Variants in SLC36A4 observed in about 807,000 individuals in gnomAD.
SLC36A4 encodes neutral amino acid uniporter 4.
Under a neutral mutation model 50.5 loss-of-function variants are expected in SLC36A4, and 49 were observed. That is an observed-to-expected ratio of 0.97 (90% CI 0.77 to 1.23). The LOEUF (loss-of-function observed/expected upper bound fraction) is 1.23, where lower values mean the gene tolerates loss of function less well. Ranked by LOEUF, SLC36A4 falls within the 50% of genes most tolerant of loss-of-function variation. The probability of loss-of-function intolerance (pLI) is 0.00; values close to 1 mark genes in which losing one functional copy is unlikely to be tolerated. For synonymous variants in SLC36A4, 207 were observed against 206.5 expected (o/e 1.00, Z -0.02); for missense variants, 611 against 608.4 (o/e 1.00, Z -0.05).
intron 9 of SLC36A4, chr11:93,159,788 C>T: frequency 1.0e-6 from 1 of 983,166 alleles, no homozygotes. Context: ...TAACTTGGAG[C>T]TTCTCTAATC....
In SLC36A4 at chr11:93,148,422, G is replaced by T; in HGVS notation, c.*115C>A. 1 of 917,536 alleles carries T rather than the reference G, an allele frequency of 1.1e-6. No homozygotes were observed. 56.8% of individuals were successfully genotyped at this position (917,536 alleles called of 1,614,324 possible). On this transcript the variant is annotated 3_prime_UTR_variant, in exon 11 of 11. Transcript: ENST00000326402. ...ATTACTTCCAAAATATTAATATCGT[G>T]CCAAAGAAAACAGAGTTTGTTACCA... is the stretch of plus-strand genomic sequence containing the variant.
chr11:93,185,519 C>T, intron 2 of SLC36A4, 172 bp downstream of exon 2: 1 of 529,268 alleles, frequency 1.9e-6, no homozygotes. Context: ...CTATACACTG[C>T]TCTGTGATTT....
chr11:93,193,186 G>T lies in SLC36A4; in HGVS notation c.55+4592C>A, dbSNP rs116281222. The T allele has an allele frequency of 4.5e-3, 1,073 of 239,602 alleles. 9 individuals carry two copies. The highest frequency in any genetic ancestry group is 0.023 in the African/African-American group (1,011 of 43,084). The allele number at this position is 239,602 out of a possible 1,614,324, so 14.8% of individuals were successfully genotyped here. A position where few individuals can be genotyped will look rare whatever the true frequency, so the allele number is the denominator to read the frequency against. On this transcript the variant is annotated intron_variant, in intron 1 of 10. Coordinates refer to ENST00000326402, the MANE Select transcript of SLC36A4 (RefSeq NM_152313.4). ...GCATTTATGACCTATAAACTGTGCT[G>T]TAAGATTGAGTATGCAAAGATGGGC...
chr11:93,189,284 G>A (rs935793083), intron 1 of SLC36A4, among the ~76,000 whole-genome samples: 9 of 152,042 alleles, frequency 5.9e-5, no homozygotes, highest in South Asian at 2.1e-4. Context: ...TGCTGGTCTC[G>A]AACTCCTAAC....
intron 8 of SLC36A4, among the ~76,000 whole-genome samples, chr11:93,165,659 TA>T (rs1213451383): frequency 6.6e-6 from 1 of 152,080 alleles, no homozygotes; most frequent in Non-Finnish European, 1.5e-5. Context: ...AATAAAATGT[TA>T]AAAATGATCT....
At chr11:93,167,152 A>G (rs1027764833) in intron 7 of SLC36A4, 2 of 152,126 alleles carry the variant, frequency 1.3e-5, no homozygotes, top group Non-Finnish European at 2.9e-5. Context: ...ATCAAAGAGG[A>G]GGGAAATGAA....
At chr11:93,191,043 T>A (rs1450839214) in intron 1 of SLC36A4, among the ~76,000 whole-genome samples, 1 of 152,168 alleles carries the variant, frequency 6.6e-6, no homozygotes, top group Non-Finnish European at 1.5e-5. Flanking sequence ...GACACCTAAC[T>A]AGAAATATCT....
At chr11:93,189,956 G>T (rs1397833563) in intron 1 of SLC36A4, among the ~76,000 whole-genome samples, 1 of 152,110 alleles carries the variant, frequency 6.6e-6, no homozygotes, top group South Asian at 2.1e-4. Context: ...ACAGAATTAA[G>T]TTTTTAAAAA....
At chr11:93,170,077 A>AAAAAT (rs1861059751) in intron 6 of SLC36A4, 1 of 152,082 alleles carries the variant, frequency 6.6e-6, no homozygotes, top group African/African-American at 2.4e-5. Flanking sequence ...CTGAGGATTA[A>AAAAAT]AAAATAAAAT....
chr11:93,172,515 A>G (rs1861208376), intron 6 of SLC36A4, among the ~76,000 whole-genome samples: 1 of 150,420 alleles, frequency 6.6e-6, no homozygotes, highest in African/African-American at 2.5e-5. Flanking sequence ...TTACATATTT[A>G]TACATGTGCC....
Position 93,147,077 on chromosome 11 carries a change from G to A in SLC36A4, c.*1460C>T, listed in dbSNP as rs12574282. On this transcript the variant is annotated 3_prime_UTR_variant, in exon 11 of 11. Transcript: ENST00000326402. ...ACCACAGCCTGAAACTTTTGTGCTC[G>A]AGGGATCCTCCTGCTTCAGCCTCCT... 0.24 allele frequency: 36,181 copies of A among 152,032 alleles called. 5,234 individuals are homozygous for A. Among genetic ancestry groups the A allele is most frequent in the East Asian group, 0.32 (1,631 of 5,136 alleles). 9.4% of individuals were successfully genotyped at this position (152,032 alleles called of 1,614,324 possible).
intron 9 of SLC36A4, among the ~76,000 whole-genome samples, chr11:93,159,123 C>T (rs1860504139): frequency 6.6e-6 from 1 of 151,866 alleles, no homozygotes; most frequent in South Asian, 2.1e-4. Context: ...ATTAATAGCA[C>T]TTCAAAGAAT....
intron 9 of SLC36A4, 134 bp downstream of exon 9, chr11:93,162,572 G>T: frequency 1.3e-6 from 1 of 757,420 alleles, no homozygotes; most frequent in Non-Finnish European, 2.0e-6. Context: ...GCCTCCCAAA[G>T]TGATGGGATT....
chr11:93,165,811 A>C, intron 8 of SLC36A4, 107 bp downstream of exon 8: 1 of 637,916 alleles, frequency 1.6e-6, no homozygotes, highest in Non-Finnish European at 2.5e-6. Context: ...ATGTAAAGAA[A>C]ATTGAAATAA....
chr11:93,186,602 T>G (rs1402998930), intron 1 of SLC36A4, among the ~76,000 whole-genome samples: 8 of 152,198 alleles, frequency 5.3e-5, no homozygotes, highest in East Asian at 1.9e-4. Flanking sequence ...AATTAATAAT[T>G]TAATTCTAGT....
chr11:93,166,402 A>G, intron 7 of SLC36A4: 1 of 992,138 alleles, frequency 1.0e-6, no homozygotes, highest in Non-Finnish European at 1.2e-6. Context: ...TGCCTAGCAG[A>G]AATTCATTCT....
intron 6 of SLC36A4, among the ~76,000 whole-genome samples, chr11:93,173,872 A>C (rs1861315345): frequency 7.3e-6 from 1 of 137,440 alleles, no homozygotes; most frequent in African/African-American, 2.7e-5. Context: ...GTTTGAAGTC[A>C]GGTAGTGTGA....
intron 10 of SLC36A4, among the ~76,000 whole-genome samples, chr11:93,151,829 C>G (rs913609135): frequency 5.3e-5 from 8 of 151,916 alleles, no homozygotes; most frequent in Non-Finnish European, 1.2e-4. Flanking sequence ...AAACACTGGT[C>G]TCAGTGTTTA....
chr11:93,195,847 C>G (rs1330410179), intron 1 of SLC36A4, among the ~76,000 whole-genome samples: 1 of 152,168 alleles, frequency 6.6e-6, no homozygotes, highest in Non-Finnish European at 1.5e-5. Context: ...TTCAATAAGG[C>G]CCATCCCAAC....
Sources: gnomAD v4.1 joint callset for allele counts (sites outside exome capture counted in the v4.1 genomes callset) on GRCh38, gnomAD v4.1.1 for gene constraint, MANE v1.5 for transcripts, NCBI Gene and HGNC (gene_info 2026-07-23, HGNC 2026-07-21) for gene names.